The following MICAL3 variants were observed in gnomAD, a reference collection of about 807,000 sequenced individuals.
The protein encoded by MICAL3 is [F-actin]-monooxygenase MICAL3.
In MICAL3, 62 loss-of-function variants were observed where a neutral mutation model predicts 207.4. That is an observed-to-expected ratio of 0.30 (90% CI 0.24 to 0.37). The LOEUF (loss-of-function observed/expected upper bound fraction) is 0.37. MICAL3 is among the 10% of genes least tolerant of loss of function. MICAL3 has a pLI of 1.00. For missense variants in MICAL3, 2,368 were observed against 2,635.6 expected (o/e 0.90, Z 2.22); for synonymous variants, 1,077 against 1,069.3 (o/e 1.01, Z -0.14).
intron 19 of MICAL3, among the ~76,000 whole-genome samples, chr22:17,854,412 C>T (rs1282846643): frequency 1.3e-5 from 2 of 152,164 alleles, no homozygotes. Context: ...GACCAACCAA[C>T]TCTCCACAAG....
Position 17,891,497 on chromosome 22 carries a change from C to T in MICAL3, c.1682G>A (p.Arg561His), listed in dbSNP as rs1016789692. Residue 561 changes from arginine (R) to histidine (H), a missense_variant, in exon 12 of 32, where the codon CGC becomes CAC. Around this residue, in one of 4 missense-constraint regions of MICAL3, gnomAD observed 51 missense variants for 87.8 expected, o/e 0.58. Transcript: ENST00000441493. ...LALCAIIHRY[R>H]PDLIDFDSLD... is the part of the protein sequence containing the mutation. ...GATCACAACTTACATCAGGTCAGGG[C>T]GGTATCTATGGATAATTGCACAAAG... 5.6e-6 allele frequency: 9 copies of T among 1,613,808 alleles called. No individual in the cohort carries two copies. Among genetic ancestry groups the T allele is most frequent in the Admixed American group, 3.3e-5 (2 of 59,998 alleles).
chr22:17,985,306 G>A (rs1365461914), intron 1 of MICAL3, among the ~76,000 whole-genome samples: 1 of 151,992 alleles, frequency 6.6e-6, no homozygotes, highest in African/African-American at 2.4e-5. Context: ...GGTGGGCCGT[G>A]CTGCTCTTTC....
chr22:17,958,557 G>A (rs890379242), intron 1 of MICAL3, among the ~76,000 whole-genome samples: 2 of 152,130 alleles, frequency 1.3e-5, no homozygotes, highest in East Asian at 1.9e-4. Context: ...GGGAGCCCTC[G>A]ACAGGGCAAG....
intron 19 of MICAL3, chr22:17,861,362 A>G: frequency 1.0e-6 from 1 of 985,456 alleles, no homozygotes; most frequent in South Asian, 4.7e-5. Flanking sequence ...ACTTCAGATC[A>G]TCTTTTCCAT....
chr22:17,972,382 C>G (rs1935454333), intron 1 of MICAL3, among the ~76,000 whole-genome samples: 1 of 152,184 alleles, frequency 6.6e-6, no homozygotes, highest in Non-Finnish European at 1.5e-5. Context: ...GAGGGTGGGA[C>G]TCCAAGTAGA....
At position 17,841,839 on chromosome 22, in the gene MICAL3, C is replaced by T; in HGVS notation, c.2784G>A (p.Glu928=). 1 of 1,552,422 alleles carries T rather than the reference C, an allele frequency of 6.4e-7. No individual in the cohort carries two copies. The highest frequency in any genetic ancestry group is 8.7e-7 in the Non-Finnish European group (1 of 1,151,600). Residue 928 remains glutamate (E), a synonymous_variant, in exon 20 of 32, where the codon GAG becomes GAA. Coordinates refer to ENST00000441493, the MANE Select transcript of MICAL3 (RefSeq NM_015241.3). This position sits in a 1 kb window ranked among gnomAD's most constrained non-coding sequence, Gnocchi z 4.2. ...NLSSVLDTGA[E]EDVASSSSES... is the part of the protein sequence containing the mutation. ...GTGCTGACCTGCTGGCGACGTCCTC[C>T]TCGGCGCCCGTGTCCAGCACGCTGC... is the stretch of plus-strand genomic sequence containing the variant.
At chr22:17,840,136 T>C (rs985719878) in intron 20 of MICAL3, 3 of 151,474 alleles carry the variant, frequency 2.0e-5, no homozygotes, top group African/African-American at 4.9e-5. Context: ...CAGGCTGGAG[T>C]GCAGTGGTGC....
At chr22:18,008,286 A>G (rs1923530571) in intron 1 of MICAL3, among the ~76,000 whole-genome samples, 1 of 152,138 alleles carries the variant, frequency 6.6e-6, no homozygotes, top group Admixed American at 6.5e-5. Flanking sequence ...ATCCCTTCCA[A>G]GCATTCCAAA....
chr22:18,021,202 G>A (rs894098088), intron 1 of MICAL3, among the ~76,000 whole-genome samples: 10 of 152,218 alleles, frequency 6.6e-5, no homozygotes, highest in Non-Finnish European at 8.8e-5. Context: ...ATTGGTGGTC[G>A]TGGCAGGGAG....
intron 27 of MICAL3, chr22:17,814,565 T>C (rs924357523): frequency 1.3e-5 from 2 of 152,240 alleles, no homozygotes; most frequent in African/African-American, 4.8e-5. Flanking sequence ...TGTTTTTGTT[T>C]GGTTTGTTTT....
At chr22:17,917,356 C>A (rs1291639528) in intron 1 of MICAL3, among the ~76,000 whole-genome samples, 2 of 152,166 alleles carry the variant, frequency 1.3e-5, no homozygotes, top group African/African-American at 4.8e-5. Flanking sequence ...CCGCCAGCTA[C>A]CCGGACACTC....
At chr22:17,906,517 T>C in intron 2 of MICAL3, 32 bp downstream of exon 2, 3 of 1,612,910 alleles carry the variant, frequency 1.9e-6, no homozygotes, top group Non-Finnish European at 2.5e-6. Context: ...ATCTCGTCAG[T>C]GACCCCAGGG....
chr22:17,946,404 T>C (rs914227185), intron 1 of MICAL3, among the ~76,000 whole-genome samples: 15 of 152,250 alleles, frequency 9.9e-5, no homozygotes, highest in African/African-American at 3.6e-4. Flanking sequence ...CACATGTGTA[T>C]TCACTGCACA....
In MICAL3 at chr22:17,995,975, A is replaced by G. The variant is rs534648491; in HGVS notation, c.-75+28306T>C. Among the ~76,000 whole-genome samples, 122 of 151,826 alleles carry G rather than the reference A, an allele frequency of 8.0e-4. 2 individuals carry two copies. The highest frequency in any genetic ancestry group is 1.7e-3 in the South Asian group (8 of 4,798). On this transcript the variant is annotated intron_variant, in intron 1 of 31. Transcript: ENST00000441493. Reference sequence around the variant, plus strand: ...CAGGAGCTCTAGACCAGCCTGGACAATGTGGCAAAACCCCATCTCTACAAA... The same window carrying G: ...CAGGAGCTCTAGACCAGCCTGGACAGTGTGGCAAAACCCCATCTCTACAAA...
intron 3 of MICAL3, 27 bp downstream of exon 3, chr22:17,904,605 T>C (rs1328802704): frequency 6.4e-7 from 1 of 1,567,226 alleles, no homozygotes; most frequent in African/African-American, 1.4e-5. Flanking sequence ...TAGGGTGGAA[T>C]CTTACAGGAA....
chr22:17,790,837 GTC>G lies in MICAL3; in HGVS notation c.5902_5903del (p.Asp1968LeufsTer32), dbSNP rs754293433. The G allele has an allele frequency of 1.9e-6, 3 of 1,613,864 alleles. No individual in the cohort carries two copies. The highest frequency in any genetic ancestry group is 3.3e-5 in the Admixed American group (2 of 60,028). ...NEMLEVVEQRDSLVALLEEQR... is the reference protein window; with the variant it reads ...NEMLEVVEQRXSLVALLEEQR... ...GCTCCTCCAGCAGCGCCACCAGTGA[GTC>G]TCTCTGCTCCACCACCTCCAGCATC... On this transcript the variant is annotated frameshift_variant, in exon 32 of 32. Coordinates refer to ENST00000441493, the MANE Select transcript of MICAL3 (RefSeq NM_015241.3). LOFTEE classifies it high-confidence loss of function.
rs758034364 is a variant in MICAL3, at chr22:17,791,285, G to T, written c.5667C>A (p.Asp1889Glu). The change falls in exon 30 of 32, where the codon GAC becomes GAA. Residue 1889 changes from aspartate (D) to glutamate (E), a missense_variant. This residue lies in a region of MICAL3 where 1,770 missense variants were observed against 1,863.2 expected (regional missense o/e 0.95). Transcript: ENST00000441493. ...LRGEAGMGKK[D>E]DPKLMQEWFK... The stretch of plus-strand genomic sequence containing the variant: ...ACCACTCCTGCATCAGCTTGGGGTC[G>T]TCCTTCTTGCCCATGCCTGCCGAGA... 1.2e-6 allele frequency: 2 copies of T among 1,613,310 alleles called. No individual in the cohort carries two copies. Among genetic ancestry groups the T allele is most frequent in the African/African-American group, 2.7e-5 (2 of 74,862 alleles).
At chr22:17,897,790 A>G (rs969631567) in intron 7 of MICAL3, among the ~76,000 whole-genome samples, 1 of 152,216 alleles carries the variant, frequency 6.6e-6, no homozygotes, top group African/African-American at 2.4e-5. Context: ...GAATATGTTG[A>G]AAATGGAGCA....
At chr22:17,929,257 CCTGG>C (rs1350998209) in intron 1 of MICAL3, among the ~76,000 whole-genome samples, 1 of 134,564 alleles carries the variant, frequency 7.4e-6, no homozygotes, top group Non-Finnish European at 1.6e-5. Context: ...CACCACCACG[CCTGG>C]CTAATTTTTT....
Sources: allele counts gnomAD v4.1 joint callset (sites outside exome capture counted in the v4.1 genomes callset), GRCh38; gene constraint gnomAD v4.1.1; regional missense constraint gnomAD v4.1.1; non-coding constraint Gnocchi (gnomAD v3.1); transcripts MANE v1.5; gene names NCBI Gene and HGNC (gene_info 2026-07-23, HGNC 2026-07-21).